TRPM3: variants seen among roughly 807,000 people sequenced by gnomAD.
The protein encoded by TRPM3 is transient receptor potential cation channel subfamily M member 3.
Under a neutral mutation model 181.2 loss-of-function variants are expected in TRPM3, and 77 were observed. The observed-to-expected ratio is 0.42, with a 90% CI of 0.35 to 0.51. The LOEUF is 0.51. TRPM3 is among the 20% of genes least tolerant of loss of function. The pLI is 0.01. For synonymous variants in TRPM3, 745 were observed against 796.4 expected (o/e 0.94, Z 1.09); for missense variants, 1,759 against 2,196.7 (o/e 0.80, Z 3.98).
rs2041925560 is a variant in TRPM3, at chr9:70,536,964, G to C, written c.4149C>G (p.His1383Gln). The C allele has an allele frequency of 6.2e-7, 1 of 1,613,844 alleles. No individual in the cohort carries two copies. Among genetic ancestry groups the C allele is most frequent in the African/African-American group, 1.3e-5 (1 of 74,928 alleles). Residue 1383 changes from histidine to glutamine, a missense_variant, in exon 26 of 26, where the codon CAC (histidine) becomes CAG (glutamine). Transcript: ENST00000677713. ...GAGCTTTGGGTTCTTTTGCTACAGA[G>C]TGGGAACTAGTAGCCCGGTGTAGGC... ...SLSLHRATSSHSVAKEPKAPA... is the reference protein window; with the variant it reads ...SLSLHRATSSQSVAKEPKAPA...
chr9:70,564,501 T>C lies in TRPM3; in HGVS notation c.3224-11191A>G, dbSNP rs536662344. The stretch of plus-strand genomic sequence containing the variant: ...GGCCACACACTAAGGAATATGCTTG[T>C]TGTTTCTGTTTAAAATGGAATTGTA... On this transcript the variant is annotated intron_variant, in intron 22 of 25. Coordinates refer to ENST00000677713, the MANE Select transcript of TRPM3 (RefSeq NM_001366145.2). Among the ~76,000 whole-genome samples the C allele has an allele frequency of 7.9e-5, 12 of 152,280 alleles. No homozygotes were observed. In the East Asian group the frequency reaches 1.9e-3, roughly 24 times the overall value.
intron 20 of TRPM3, among the ~76,000 whole-genome samples, chr9:70,600,600 G>T (rs906319251): frequency 6.6e-6 from 1 of 152,154 alleles, no homozygotes; most frequent in Admixed American, 6.5e-5. Flanking sequence ...TGGAGTTTCT[G>T]CTTCAGGAGG....
At chr9:70,617,142 G>A (rs1316481970) in intron 17 of TRPM3, among the ~76,000 whole-genome samples, 1 of 152,202 alleles carries the variant, frequency 6.6e-6, no homozygotes. Flanking sequence ...AATTCATGAT[G>A]CTGAATTCTG....
intron 1 of TRPM3, among the ~76,000 whole-genome samples, chr9:70,951,306 C>T (rs952307887): frequency 6.6e-6 from 1 of 152,134 alleles, no homozygotes; most frequent in African/African-American, 2.4e-5. Flanking sequence ...CCTCATTCAA[C>T]ATACACTGTA....
At position 70,536,392 on chromosome 9, in the gene TRPM3, A is replaced by G. The variant is rs754034759; in HGVS notation, c.4721T>C (p.Ile1574Thr). 6 of 1,614,026 alleles carry G rather than the reference A, an allele frequency of 3.7e-6. No homozygotes were observed. Among genetic ancestry groups the G allele is most frequent in the East Asian group, 4.5e-5 (2 of 44,850 alleles). The change falls in exon 26 of 26, where the codon ATT becomes ACT. Residue 1574 changes from isoleucine to threonine, a missense_variant. Ile to Thr is a moderately conservative substitution (Grantham distance 89). Coordinates refer to ENST00000677713, the MANE Select transcript of TRPM3 (RefSeq NM_001366145.2). ...DTRCVNAPQAIADRAAFPGGL... is the reference protein window; with the variant it reads ...DTRCVNAPQATADRAAFPGGL... ...TCCAGGGAAGGCAGCTCTGTCCGCA[A>G]TTGCTTGAGGGGCATTGACACACCT...
chr9:71,252,730 G>A (rs2082419571), intron 1 of TRPM3, among the ~76,000 whole-genome samples: 1 of 152,004 alleles, frequency 6.6e-6, no homozygotes, highest in Non-Finnish European at 1.5e-5. Context: ...GGAGTGCAGT[G>A]GAGCAGTCAT....
intron 6 of TRPM3, among the ~76,000 whole-genome samples, chr9:70,815,827 C>T (rs552790494): frequency 7.9e-5 from 12 of 152,160 alleles, no homozygotes; most frequent in African/African-American, 2.6e-4. Context: ...TCTATGGAAG[C>T]TTAGCTTGTG....
intron 1 of TRPM3, among the ~76,000 whole-genome samples, chr9:70,973,542 A>G (rs1443733348): frequency 6.6e-6 from 1 of 152,146 alleles, no homozygotes; most frequent in Non-Finnish European, 1.5e-5. Context: ...CCAAATGTAC[A>G]GCATCCTTAA....
chr9:71,072,564 C>G (rs947328567), intron 1 of TRPM3, among the ~76,000 whole-genome samples: 3 of 152,246 alleles, frequency 2.0e-5, no homozygotes, highest in Non-Finnish European at 2.9e-5. Context: ...AGTTGTGGGT[C>G]CAATATCACA....
chr9:70,985,848 T>C (rs1235279014), intron 1 of TRPM3, among the ~76,000 whole-genome samples: 2 of 152,202 alleles, frequency 1.3e-5, no homozygotes, highest in Non-Finnish European at 2.9e-5. Flanking sequence ...AATGAGGCAC[T>C]GGGTGGAGTA....
chr9:70,846,606 G>A lies in TRPM3; in HGVS notation c.463-15C>T. 2 of 1,609,542 alleles carry A rather than the reference G, an allele frequency of 1.2e-6. No individual in the cohort carries two copies. The highest frequency in any genetic ancestry group is 1.7e-6 in the Non-Finnish European group (2 of 1,175,894). ...ACTCGCACATACTGGAAGAAGAAAG[G>A]ACATCAATTAGGGAGACAAGGCAGG... On this transcript the variant is annotated splice_polypyrimidine_tract_variant and intron_variant, in intron 3 of 25. Coordinates refer to ENST00000677713, the MANE Select transcript of TRPM3 (RefSeq NM_001366145.2).
intron 17 of TRPM3, among the ~76,000 whole-genome samples, chr9:70,616,514 T>C (rs2062797668): frequency 6.7e-6 from 1 of 148,482 alleles, no homozygotes; most frequent in South Asian, 2.1e-4. Context: ...CACTGGCATT[T>C]TTTTTTTTTT....
At chr9:70,656,934 T>A (rs201856482) in intron 9 of TRPM3, among the ~76,000 whole-genome samples, 1 of 58,432 alleles carries the variant, frequency 1.7e-5, no homozygotes, top group Non-Finnish European at 3.3e-5. Flanking sequence ...AAGTGTTTTT[T>A]TTTTGGTAAG....
chr9:70,678,041 CAA>C (rs2064473302), intron 9 of TRPM3, among the ~76,000 whole-genome samples: 1 of 151,198 alleles, frequency 6.6e-6, no homozygotes, highest in South Asian at 2.1e-4. Context: ...TCTGAAAATT[CAA>C]AGTTAACTGA....
At chr9:71,409,715 C>G (rs2093506897) in intron 1 of TRPM3, among the ~76,000 whole-genome samples, 1 of 152,166 alleles carries the variant, frequency 6.6e-6, no homozygotes, top group Admixed American at 6.5e-5. Context: ...AGAAGGTTAA[C>G]AAGGATATCC....
At chr9:70,807,689 T>C (rs2091001785) in intron 6 of TRPM3, among the ~76,000 whole-genome samples, 1 of 152,130 alleles carries the variant, frequency 6.6e-6, no homozygotes, top group South Asian at 2.1e-4. Flanking sequence ...GATCTCACAA[T>C]CTACAGAAGA....
chr9:71,106,914 C>A (rs533577598), intron 1 of TRPM3, among the ~76,000 whole-genome samples: 1 of 152,122 alleles, frequency 6.6e-6, no homozygotes, highest in South Asian at 2.1e-4. Context: ...CAGTGTAACC[C>A]TCTTAATAGA....
At chr9:71,059,467 C>T (rs1474441907) in intron 1 of TRPM3, among the ~76,000 whole-genome samples, 1 of 152,008 alleles carries the variant, frequency 6.6e-6, no homozygotes, top group Non-Finnish European at 1.5e-5. Flanking sequence ...GTTCTGAGTA[C>T]CATACTTTAA....
chr9:70,788,185 C>T (rs10868887), intron 6 of TRPM3, among the ~76,000 whole-genome samples: 38,898 of 126,550 alleles, frequency 0.31, 6,800 homozygotes, highest in East Asian at 0.51. Context: ...ACCACAGTCC[C>T]CAGAGTGTGA....
Sources: gnomAD v4.1 joint callset for allele counts (sites outside exome capture counted in the v4.1 genomes callset) on GRCh38, gnomAD v4.1.1 for gene constraint, MANE v1.5 for transcripts, NCBI Gene and HGNC (gene_info 2026-07-23, HGNC 2026-07-21) for gene names.